KLHL29: variants seen among roughly 807,000 people sequenced by gnomAD.
KLHL29 encodes kelch-like protein 29.
In KLHL29, 21 loss-of-function variants were observed where a neutral mutation model predicts 80.4. The observed-to-expected ratio is 0.26, with a 90% CI of 0.19 to 0.38. The LOEUF (loss-of-function observed/expected upper bound fraction) is 0.38, where lower values mean the gene tolerates loss of function less well. KLHL29 is among the 10% of genes least tolerant of loss of function. The probability of loss-of-function intolerance (pLI) is 1.00; values close to 1 mark genes in which losing one functional copy is unlikely to be tolerated. For synonymous variants in KLHL29, 511 were observed against 526.8 expected (o/e 0.97, Z 0.41); for missense variants, 867 against 1,223.9 (o/e 0.71, Z 4.35).
At chr2:23,515,109 C>T (rs1665882035) in intron 2 of KLHL29, among the ~76,000 whole-genome samples, 1 of 152,204 alleles carries the variant, frequency 6.6e-6, no homozygotes, top group Admixed American at 6.5e-5. Flanking sequence ...TAGTTAACCA[C>T]CAACTCTAAC....
intron 3 of KLHL29, among the ~76,000 whole-genome samples, chr2:23,583,675 G>A (rs910024859): frequency 2.0e-5 from 3 of 152,122 alleles, no homozygotes; most frequent in African/African-American, 7.2e-5. Context: ...GCCGACATTG[G>A]GACTCTTACG....
At chr2:23,577,318 G>A (rs1274799812) in intron 3 of KLHL29, among the ~76,000 whole-genome samples, 1 of 151,998 alleles carries the variant, frequency 6.6e-6, no homozygotes, top group African/African-American at 2.4e-5. Flanking sequence ...GGGCATGGTG[G>A]TATGAGTCTT....
chr2:23,654,357 C>T (rs1316633381), intron 5 of KLHL29, among the ~76,000 whole-genome samples: 4 of 152,198 alleles, frequency 2.6e-5, no homozygotes, highest in Non-Finnish European at 4.4e-5. Context: ...AGACCTCACA[C>T]GCCCCTCAGT....
At chr2:23,524,439 G>C (rs968471880) in intron 2 of KLHL29, 1 of 171,410 alleles carries the variant, frequency 5.8e-6, no homozygotes, top group Non-Finnish European at 1.3e-5. Context: ...TGTGAGTCAC[G>C]GTGATGGATG....
chr2:23,621,060 A>T lies in KLHL29; in HGVS notation c.286-18079A>T, dbSNP rs564226776. On this transcript the variant is annotated intron_variant, in intron 3 of 13. Transcript: ENST00000486442. ...TGAGGCACACACTTCCACCGCAGGA[A>T]CATCCTTGGCCGGGGGACTGCAGTG... 2.0e-5 allele frequency among the ~76,000 whole-genome samples: 3 copies of T among 152,368 alleles called. No homozygotes were observed. In the South Asian group the frequency reaches 6.2e-4, roughly 32 times the overall value.
At chr2:23,460,038 T>G (rs1386708837) in intron 1 of KLHL29, among the ~76,000 whole-genome samples, 1 of 152,240 alleles carries the variant, frequency 6.6e-6, no homozygotes, top group African/African-American at 2.4e-5. Flanking sequence ...AATGTTGAAA[T>G]GATGAGAAGT....
At chr2:23,542,419 C>G (rs1264290822) in intron 2 of KLHL29, among the ~76,000 whole-genome samples, 3 of 152,180 alleles carry the variant, frequency 2.0e-5, no homozygotes, top group South Asian at 4.1e-4. Flanking sequence ...GAAGCTCTCC[C>G]ACCTTGGTGT....
chr2:23,559,028 T>G (rs1464599530), intron 2 of KLHL29, among the ~76,000 whole-genome samples: 1 of 151,342 alleles, frequency 6.6e-6, no homozygotes, highest in East Asian at 1.9e-4. Context: ...TGGATGAGAG[T>G]CTCTCACCTG....
At position 23,642,768 on chromosome 2, in the gene KLHL29, A is replaced by C. The variant is rs1214676754; in HGVS notation, c.858A>C (p.Thr286=). The change falls in exon 5 of 14, where the codon ACA becomes ACC. Residue 286 remains threonine (T), a synonymous_variant. Transcript: ENST00000486442. ...CCCCTGCCACCAATGGGCCCCCCAC[A>C]ACCGACTCGGCCCACGGGCTGCAGA... ...SGAPATNGPP[T]TDSAHGLQML... The C allele has an allele frequency of 6.5e-7, 1 of 1,550,014 alleles. No individual in the cohort carries two copies. Among genetic ancestry groups the C allele is most frequent in the African/African-American group, 1.4e-5 (1 of 72,962 alleles).
At chr2:23,661,958 C>T (rs1398723153) in intron 5 of KLHL29, among the ~76,000 whole-genome samples, 3 of 152,332 alleles carry the variant, frequency 2.0e-5, no homozygotes, top group East Asian at 1.9e-4. Flanking sequence ...CTGTATCCAG[C>T]GCTTGGCACA....
At chr2:23,655,225 A>C (rs529491999) in intron 5 of KLHL29, among the ~76,000 whole-genome samples, 1 of 152,144 alleles carries the variant, frequency 6.6e-6, no homozygotes. Flanking sequence ...GGCCCTGGGG[A>C]GTCCTTCCTG....
At chr2:23,523,240 G>A (rs939303363) in intron 2 of KLHL29, among the ~76,000 whole-genome samples, 2 of 152,176 alleles carry the variant, frequency 1.3e-5, no homozygotes, top group African/African-American at 4.8e-5. Flanking sequence ...TGGGGCAGAG[G>A]GCCTGCATGC....
intron 1 of KLHL29, among the ~76,000 whole-genome samples, chr2:23,411,864 T>G (rs1666868561): frequency 6.6e-6 from 1 of 152,174 alleles, no homozygotes; most frequent in South Asian, 2.1e-4. Context: ...GTCTAATAAC[T>G]AAAAGCTCTC....
At chr2:23,455,221 A>G (rs1193719887) in intron 1 of KLHL29, among the ~76,000 whole-genome samples, 2 of 152,246 alleles carry the variant, frequency 1.3e-5, no homozygotes, top group Non-Finnish European at 2.9e-5. Context: ...TCCCACTTCC[A>G]TAATCCTTGA....
At chr2:23,460,958 A>C (rs1375988830) in intron 1 of KLHL29, among the ~76,000 whole-genome samples, 1 of 152,202 alleles carries the variant, frequency 6.6e-6, no homozygotes, top group Non-Finnish European at 1.5e-5. Context: ...GTGGCCATAG[A>C]TATCATACCA....
At chr2:23,437,183 AAAC>A (rs1198361988) in intron 1 of KLHL29, among the ~76,000 whole-genome samples, 1 of 152,226 alleles carries the variant, frequency 6.6e-6, no homozygotes, top group Non-Finnish European at 1.5e-5. Flanking sequence ...CAGTTATTTA[AAAC>A]AACAGACTTG....
At chr2:23,584,433 C>T (rs1009803024) in intron 3 of KLHL29, among the ~76,000 whole-genome samples, 2 of 152,230 alleles carry the variant, frequency 1.3e-5, no homozygotes, top group African/African-American at 4.8e-5. Context: ...AGGGAGGATC[C>T]AAATTTGGAA....
chr2:23,386,877 C>T lies in KLHL29; in HGVS notation c.-154+1097C>T, dbSNP rs114260630. ...GGACGCGCTGCCTGCCTGCGGCCAG[C>T]CGTCTCGGAGGAGGGGGTGGCGGCC... On this transcript the variant is annotated intron_variant, in intron 1 of 13. Coordinates refer to ENST00000486442, the MANE Select transcript of KLHL29 (RefSeq NM_052920.2). Among the ~76,000 whole-genome samples the T allele has an allele frequency of 6.3e-3, 952 of 152,112 alleles. 10 individuals carry two copies. Among genetic ancestry groups the T allele is most frequent in the African/African-American group, 0.021 (886 of 41,504 alleles).
At chr2:23,437,084 C>A (rs1348176770) in intron 1 of KLHL29, among the ~76,000 whole-genome samples, 1 of 152,182 alleles carries the variant, frequency 6.6e-6, no homozygotes, top group Non-Finnish European at 1.5e-5. Context: ...TTTAGCTGGG[C>A]CACCGGCTTG....
Sources: gnomAD v4.1 joint callset for allele counts (sites outside exome capture counted in the v4.1 genomes callset) on GRCh38, gnomAD v4.1.1 for gene constraint, MANE v1.5 for transcripts, NCBI Gene and HGNC (gene_info 2026-07-23, HGNC 2026-07-21) for gene names.